RGS6: variants seen among roughly 807,000 people sequenced by gnomAD.
The protein encoded by RGS6 is regulator of G protein signaling 6.
A neutral mutation model predicts 78.5 loss-of-function variants in RGS6; 30 were observed. That is an observed-to-expected ratio of 0.38 (90% CI 0.29 to 0.52). RGS6 has a LOEUF of 0.52. Ranked by LOEUF, RGS6 falls within the 20% of genes least tolerant of loss-of-function variation. The pLI is 0.85. For synonymous variants in RGS6, 206 were observed against 206.0 expected (o/e 1.00, Z 0.00); for missense variants, 495 against 609.7 (o/e 0.81, Z 1.98).
chr14:72,098,651 G>T (rs2095463006), intron 2 of RGS6, among the ~76,000 whole-genome samples: 1 of 152,176 alleles, frequency 6.6e-6, no homozygotes, highest in South Asian at 2.1e-4. Context: ...CAGAGTTCCA[G>T]TTTCCCTCAA....
intron 2 of RGS6, among the ~76,000 whole-genome samples, chr14:72,197,069 C>G (rs1419761870): frequency 6.6e-6 from 1 of 152,000 alleles, no homozygotes; most frequent in Non-Finnish European, 1.5e-5. Context: ...TTTTTTCTTT[C>G]TTTTTGTTTC....
At position 72,522,026 on chromosome 14, in the gene RGS6, T is replaced by C. The variant is rs574454150; in HGVS notation, c.1278+3489T>C. Among the ~76,000 whole-genome samples, 3 of 152,360 alleles carry C rather than the reference T, an allele frequency of 2.0e-5. No homozygotes were observed. The East Asian group carries it at 5.8e-4, about 29-fold the overall frequency. Reference sequence around the variant, plus strand: ...TAACCCCTATTTTGGTGTATTTTCTTCCTTGATTTATGTGTGTAGCTACGT... The same window carrying C: ...TAACCCCTATTTTGGTGTATTTTCTCCCTTGATTTATGTGTGTAGCTACGT... On this transcript the variant is annotated intron_variant, in intron 15 of 17. Coordinates refer to ENST00000553525, the MANE Select transcript of RGS6 (RefSeq NM_001204424.2).
intron 2 of RGS6, among the ~76,000 whole-genome samples, chr14:72,085,906 G>T: frequency 6.8e-6 from 1 of 147,374 alleles, no homozygotes; most frequent in Admixed American, 6.7e-5. Context: ...TGATGCTGGT[G>T]AGGCAGACAT....
chr14:72,578,885 C>T, the RGS6 span, among the ~76,000 whole-genome samples: 23 of 152,150 alleles, frequency 1.5e-4, no homozygotes, highest in East Asian at 3.1e-3. Flanking sequence ...ATGGCTTGGG[C>T]GAAGCTGTAA....
At chr14:72,458,146 G>C (rs2095681240) in intron 4 of RGS6, 125 bp from the exon 5 acceptor site, 3 of 702,024 alleles carry the variant, frequency 4.3e-6, no homozygotes, top group South Asian at 3.8e-5. Context: ...CACTGAGCAA[G>C]GGCAATTGTA....
chr14:72,477,559 C>G (rs974029648), intron 11 of RGS6, among the ~76,000 whole-genome samples: 3 of 151,846 alleles, frequency 2.0e-5, no homozygotes, highest in Non-Finnish European at 4.4e-5. Flanking sequence ...CTTTGTGAGG[C>G]TGAGGCAGGT....
At chr14:72,576,593 A>G in the RGS6 span, among the ~76,000 whole-genome samples, 2 of 152,230 alleles carry the variant, frequency 1.3e-5, no homozygotes, top group Non-Finnish European at 2.9e-5. Flanking sequence ...CATCAAAATG[A>G]TTATCTGTTA....
chr14:72,493,360 CA>C (rs1485510293), intron 12 of RGS6, among the ~76,000 whole-genome samples: 16 of 151,748 alleles, frequency 1.1e-4, no homozygotes, highest in African/African-American at 3.6e-4. Context: ...CTATGATAAC[CA>C]AAAGTGAACT....
At position 72,391,540 on chromosome 14, in the gene RGS6, C is replaced by T. The variant is rs534618331; in HGVS notation, c.184+39346C>T. ...GCCTTAAATTCCTTTACTTCTCACCCCTGGGCCATTTCCGCCACTTTTCCT... is the reference window on the plus strand; with the variant it reads ...GCCTTAAATTCCTTTACTTCTCACCTCTGGGCCATTTCCGCCACTTTTCCT... On this transcript the variant is annotated intron_variant, in intron 3 of 17. Transcript: ENST00000553525. Among the ~76,000 whole-genome samples, 3 of 152,298 alleles carry T rather than the reference C, an allele frequency of 2.0e-5. No homozygotes were observed. In the South Asian group the frequency reaches 6.2e-4, roughly 32 times the overall value.
intron 1 of RGS6, among the ~76,000 whole-genome samples, chr14:71,946,103 A>T (rs967860033): frequency 2.6e-5 from 4 of 152,182 alleles, no homozygotes; most frequent in African/African-American, 7.2e-5. Context: ...ACAAAGAATA[A>T]ATATATTGAT....
intron 2 of RGS6, among the ~76,000 whole-genome samples, chr14:72,076,952 T>TTATATATATATATATATATAAATGTTA (rs10642376): frequency 4.8e-5 from 7 of 145,490 alleles, no homozygotes; most frequent in African/African-American, 1.5e-4. Context: ...CAGCCAAATT[T>TTATATATATATATATATATAAATGTTA]TATATATATA....
At chr14:72,159,207 C>G (rs1408502619) in intron 2 of RGS6, among the ~76,000 whole-genome samples, 2 of 152,202 alleles carry the variant, frequency 1.3e-5, no homozygotes, top group Admixed American at 1.3e-4. Flanking sequence ...GACTGAGGCT[C>G]TAAGACATTA....
rs541564335 is a variant in RGS6 at position 72,296,269 on chromosome 14, A to C, written c.85-55826A>C. On this transcript the variant is annotated intron_variant, in intron 2 of 17. Transcript: ENST00000553525. Reference sequence around the variant, plus strand: ...AGTTTATCCATTCTCCTGTTTATGGACACTTGGAATGTCTAAAAGCTGCCA... The same window carrying C: ...AGTTTATCCATTCTCCTGTTTATGGCCACTTGGAATGTCTAAAAGCTGCCA... 2.0e-5 allele frequency among the ~76,000 whole-genome samples: 3 copies of C among 152,258 alleles called. No homozygotes were observed. The South Asian group carries it at 6.2e-4, about 32-fold the overall frequency.
At chr14:72,045,438 C>T (rs2092755575) in intron 2 of RGS6, among the ~76,000 whole-genome samples, 1 of 152,122 alleles carries the variant, frequency 6.6e-6, no homozygotes, top group African/African-American at 2.4e-5. Flanking sequence ...GCTGTAGGTG[C>T]CAGAGGCTTC....
the RGS6 span, among the ~76,000 whole-genome samples, chr14:71,873,427 G>A: frequency 5.9e-5 from 9 of 152,284 alleles, no homozygotes; most frequent in Non-Finnish European, 5.9e-5. Flanking sequence ...TTTTTTGGCT[G>A]CATAAATGTC....
the RGS6 span, among the ~76,000 whole-genome samples, chr14:72,593,049 AT>A: frequency 3.1e-3 from 467 of 152,260 alleles, 4 homozygotes; most frequent in African/African-American, 0.011. Context: ...AGCTGAGATG[AT>A]TTCCAATTCC....
chr14:72,169,006 A>G (rs114144223), intron 2 of RGS6, among the ~76,000 whole-genome samples: 1 of 152,032 alleles, frequency 6.6e-6, no homozygotes, highest in African/African-American at 2.4e-5. Context: ...CCACCTGCCC[A>G]CCCCCACTGC....
At chr14:72,511,009 A>G (rs917473541) in intron 14 of RGS6, among the ~76,000 whole-genome samples, 75 of 152,230 alleles carry the variant, frequency 4.9e-4, no homozygotes, top group African/African-American at 1.7e-3. Flanking sequence ...GTGAATTGAA[A>G]GGAAAAGTCT....
chr14:72,239,286 T>C (rs1485502439), intron 2 of RGS6, among the ~76,000 whole-genome samples: 1 of 152,222 alleles, frequency 6.6e-6, no homozygotes, highest in Non-Finnish European at 1.5e-5. Context: ...CATGCCCATC[T>C]GTGGCTTTCT....
Sources: gnomAD v4.1 joint callset for allele counts (sites outside exome capture counted in the v4.1 genomes callset) on GRCh38, gnomAD v4.1.1 for gene constraint, MANE v1.5 for transcripts, NCBI Gene and HGNC (gene_info 2026-07-23, HGNC 2026-07-21) for gene names.